SHISA9: variants seen among roughly 807,000 people sequenced by gnomAD.
SHISA9 encodes the protein shisa family member 9.
A neutral mutation model predicts 38.0 loss-of-function variants in SHISA9; 13 were observed. The observed-to-expected ratio is 0.34, with a 90% CI of 0.22 to 0.54. SHISA9 has a LOEUF of 0.54. Ranked by LOEUF, SHISA9 falls within the 20% of genes least tolerant of loss-of-function variation. The probability of loss-of-function intolerance (pLI) is 0.91; values close to 1 mark genes in which losing one functional copy is unlikely to be tolerated. For synonymous variants in SHISA9, 275 were observed against 242.0 expected, an observed-to-expected ratio of 1.14 and a Z score of -1.27; for missense variants, 538 against 575.8, an observed-to-expected ratio of 0.93 and a Z score of 0.67.
intron 2 of SHISA9, among the ~76,000 whole-genome samples, chr16:13,191,621 C>G (rs2050886323): frequency 6.6e-6 from 1 of 152,130 alleles, no homozygotes; most frequent in Non-Finnish European, 1.5e-5. Flanking sequence ...CCCAAAGATG[C>G]TGTTGGTAAG....
chr16:12,904,752 C>T (rs2071070528), intron 1 of SHISA9, among the ~76,000 whole-genome samples: 1 of 152,108 alleles, frequency 6.6e-6, no homozygotes, highest in Non-Finnish European at 1.5e-5. Flanking sequence ...GTATGATTTT[C>T]AACTGTAACT....
At chr16:13,300,105 T>C in the SHISA9 span, among the ~76,000 whole-genome samples, 1 of 152,066 alleles carries the variant, frequency 6.6e-6, no homozygotes, top group East Asian at 1.9e-4. Context: ...TGCACCTTGA[T>C]CCAAGCAAAA....
the SHISA9 span, among the ~76,000 whole-genome samples, chr16:13,311,248 T>C: frequency 1.3e-5 from 2 of 152,088 alleles, no homozygotes; most frequent in Admixed American, 6.6e-5. Context: ...TTTTATATAT[T>C]ATGTATCTCG....
At chr16:12,991,950 T>C (rs560219958) in intron 2 of SHISA9, among the ~76,000 whole-genome samples, 8 of 152,312 alleles carry the variant, frequency 5.3e-5, no homozygotes, top group African/African-American at 1.4e-4. Context: ...CTAAAATAGA[T>C]ATTAAGTTTT....
the SHISA9 span, among the ~76,000 whole-genome samples, chr16:13,267,700 C>G: frequency 9.9e-5 from 15 of 152,234 alleles, no homozygotes; most frequent in African/African-American, 3.6e-4. Flanking sequence ...TTATAAGCAA[C>G]TAGTAGTGGG....
chr16:12,979,062 T>G (rs8047536), intron 2 of SHISA9, among the ~76,000 whole-genome samples: 26,218 of 152,150 alleles, frequency 0.17, 2,501 homozygotes, highest in African/African-American at 0.23. Flanking sequence ...CCACGTCTAA[T>G]CAGTCATCGA....
chr16:13,289,798 C>T, the SHISA9 span, among the ~76,000 whole-genome samples: 12 of 152,226 alleles, frequency 7.9e-5, no homozygotes, highest in Admixed American at 4.6e-4. Context: ...TTTCTTTGAT[C>T]ACTGTAAGCA....
At chr16:12,943,996 T>C (rs778379625) in intron 2 of SHISA9, among the ~76,000 whole-genome samples, 3 of 152,236 alleles carry the variant, frequency 2.0e-5, no homozygotes, top group Non-Finnish European at 4.4e-5. Flanking sequence ...CAATTCTTTG[T>C]TGTGGGGCTG....
intron 2 of SHISA9, among the ~76,000 whole-genome samples, chr16:13,002,655 C>T (rs901812333): frequency 6.6e-6 from 1 of 151,590 alleles, no homozygotes; most frequent in Non-Finnish European, 1.5e-5. Context: ...GCCTCACCCT[C>T]CTGAGTAGCT....
At chr16:13,277,831 T>C in the SHISA9 span, among the ~76,000 whole-genome samples, 1 of 152,046 alleles carries the variant, frequency 6.6e-6, no homozygotes, top group African/African-American at 2.4e-5. Context: ...TCCTTAGGGT[T>C]TTCAAGGTAA....
chr16:13,556,142 A>C, the SHISA9 span, among the ~76,000 whole-genome samples: 1 of 152,176 alleles, frequency 6.6e-6, no homozygotes, highest in Admixed American at 6.5e-5. Context: ...ACGTGTGTTT[A>C]TTTATTTCTC....
intron 2 of SHISA9, among the ~76,000 whole-genome samples, chr16:13,181,029 C>G (rs961509479): frequency 6.6e-6 from 1 of 151,700 alleles, no homozygotes; most frequent in Non-Finnish European, 1.5e-5. Flanking sequence ...TGGCATTAAA[C>G]CAGTAGGCAA....
chr16:13,112,607 T>A (rs2073990187), intron 2 of SHISA9, among the ~76,000 whole-genome samples: 1 of 151,858 alleles, frequency 6.6e-6, no homozygotes, highest in Non-Finnish European at 1.5e-5. Context: ...TACCTCTCAT[T>A]GAGAAGCATG....
chr16:13,063,917 C>G (rs533503932), intron 2 of SHISA9, among the ~76,000 whole-genome samples: 82 of 152,302 alleles, frequency 5.4e-4, no homozygotes, highest in African/African-American at 1.9e-3. Context: ...CTCTGACTTC[C>G]GACTCCCACA....
At chr16:13,431,456 T>C in the SHISA9 span, among the ~76,000 whole-genome samples, 1 of 152,254 alleles carries the variant, frequency 6.6e-6, no homozygotes, top group Non-Finnish European at 1.5e-5. Flanking sequence ...TTTTTCAACA[T>C]GCAACTTATT....
At chr16:13,401,631 C>G in the SHISA9 span, among the ~76,000 whole-genome samples, 117 of 151,022 alleles carry the variant, frequency 7.7e-4, no homozygotes, top group African/African-American at 2.8e-3. Flanking sequence ...CTATTCCCCC[C>G]GTATGAGGAC....
intron 4 of SHISA9, among the ~76,000 whole-genome samples, chr16:13,228,842 C>G (rs1002660471): frequency 6.6e-6 from 1 of 152,106 alleles, no homozygotes; most frequent in African/African-American, 2.4e-5. Context: ...GATCCTCTCC[C>G]TCTTCCCTCT....
intron 2 of SHISA9, among the ~76,000 whole-genome samples, chr16:13,155,037 G>T (rs1035793306): frequency 5.3e-5 from 8 of 152,200 alleles, no homozygotes; most frequent in Non-Finnish European, 7.3e-5. Flanking sequence ...AGGTTAAAAT[G>T]ACTAAGAAGA....
intron 2 of SHISA9, among the ~76,000 whole-genome samples, chr16:13,052,254 G>T (rs1404254434): frequency 6.6e-6 from 1 of 152,140 alleles, no homozygotes; most frequent in African/African-American, 2.4e-5. Flanking sequence ...TTCTGCTTTT[G>T]TTAGTGATTT....
Sources: gnomAD v4.1 joint callset for allele counts (sites outside exome capture counted in the v4.1 genomes callset) on GRCh38, gnomAD v4.1.1 for gene constraint, MANE v1.5 for transcripts, NCBI Gene and HGNC (gene_info 2026-07-23, HGNC 2026-07-21) for gene names.